Variants in TMEM108 observed in about 807,000 individuals in gnomAD.
The protein encoded by TMEM108 is transmembrane protein 108.
A neutral mutation model predicts 35.1 loss-of-function variants in TMEM108; 12 were observed. The ratio of observed to expected loss-of-function variants is 0.34; its 90% CI spans 0.22 to 0.55. The LOEUF is 0.55. Ranked by LOEUF, TMEM108 falls within the 20% of genes least tolerant of loss-of-function variation. The pLI, the probability that TMEM108 is intolerant of heterozygous loss-of-function variation, is 0.89. For synonymous variants in TMEM108, 287 were observed against 308.6 expected (o/e 0.93, Z 0.73); for missense variants, 680 against 753.3 (o/e 0.90, Z 1.14).
At chr3:133,128,386 T>TA (rs1944444634) in intron 2 of TMEM108, among the ~76,000 whole-genome samples, 1 of 152,200 alleles carries the variant, frequency 6.6e-6, no homozygotes, top group Non-Finnish European at 1.5e-5. Context: ...AGGAAATAAA[T>TA]ATTTGACCTG....
intron 3 of TMEM108, among the ~76,000 whole-genome samples, chr3:133,283,239 G>T (rs1177746132): frequency 1.3e-5 from 2 of 152,136 alleles, no homozygotes; most frequent in Non-Finnish European, 2.9e-5. Context: ...AAAAGGGAGA[G>T]AAAAAATTTC....
At chr3:133,291,770 A>T (rs944111610) in intron 3 of TMEM108, among the ~76,000 whole-genome samples, 2 of 152,210 alleles carry the variant, frequency 1.3e-5, no homozygotes, top group Non-Finnish European at 2.9e-5. Flanking sequence ...TGCAGAAGGC[A>T]GGGTTCCTCA....
At chr3:133,156,063 C>A (rs944400100) in intron 2 of TMEM108, among the ~76,000 whole-genome samples, 1 of 74,680 alleles carries the variant, frequency 1.3e-5, no homozygotes, top group Non-Finnish European at 3.0e-5. Context: ...TTTATTTTTT[C>A]TTTTATTTAT....
intron 2 of TMEM108, among the ~76,000 whole-genome samples, chr3:133,150,000 A>T (rs565395896): frequency 6.6e-6 from 1 of 152,274 alleles, no homozygotes; most frequent in African/African-American, 2.4e-5. Flanking sequence ...TTTTGGATAT[A>T]TACCCAGAAG....
At chr3:133,206,512 T>C (rs558817376) in intron 2 of TMEM108, among the ~76,000 whole-genome samples, 152 of 152,368 alleles carry the variant, frequency 1.0e-3, no homozygotes, top group Middle Eastern at 6.8e-3. Context: ...TTGATGTTGA[T>C]GCTATTCCTT....
chr3:133,366,022 T>G (rs1172319574), intron 3 of TMEM108, among the ~76,000 whole-genome samples: 1 of 152,240 alleles, frequency 6.6e-6, no homozygotes, highest in Non-Finnish European at 1.5e-5. Context: ...GTTGTGCATC[T>G]TGGCTCCACC....
intron 2 of TMEM108, among the ~76,000 whole-genome samples, chr3:133,172,211 A>G (rs1029057276): frequency 5.9e-5 from 9 of 152,238 alleles, no homozygotes; most frequent in Admixed American, 2.0e-4. Context: ...CATGTAGCTT[A>G]CAAATGATAG....
At chr3:133,051,887 C>T (rs978548563) in intron 2 of TMEM108, among the ~76,000 whole-genome samples, 3 of 152,092 alleles carry the variant, frequency 2.0e-5, no homozygotes, top group African/African-American at 7.2e-5. Flanking sequence ...ACCATACTGT[C>T]TTGATTATGG....
chr3:133,226,190 G>A (rs1946068580), intron 2 of TMEM108, among the ~76,000 whole-genome samples: 1 of 152,158 alleles, frequency 6.6e-6, no homozygotes, highest in Non-Finnish European at 1.5e-5. Context: ...ATTGGTGGTG[G>A]AAACCAAGAT....
chr3:133,324,837 A>C (rs2071310389), intron 3 of TMEM108, among the ~76,000 whole-genome samples: 1 of 152,198 alleles, frequency 6.6e-6, no homozygotes. Flanking sequence ...TTAGCTGGGC[A>C]TGGTGGCGGG....
intron 2 of TMEM108, among the ~76,000 whole-genome samples, chr3:133,195,273 C>T (rs936868121): frequency 6.6e-6 from 1 of 152,118 alleles, no homozygotes; most frequent in African/African-American, 2.4e-5. Flanking sequence ...CAAACTGAGG[C>T]CCACAAAATT....
At chr3:133,384,700 C>T (rs74691481) in intron 4 of TMEM108, among the ~76,000 whole-genome samples, 3,954 of 152,292 alleles carry the variant, frequency 0.026, 153 homozygotes, top group African/African-American at 0.09. Flanking sequence ...CCACGCCTGG[C>T]GCTGAATTGG....
At chr3:133,110,393 C>T (rs1485854011) in intron 2 of TMEM108, among the ~76,000 whole-genome samples, 7 of 152,138 alleles carry the variant, frequency 4.6e-5, no homozygotes, top group Admixed American at 4.6e-4. Flanking sequence ...CACTGTGGAC[C>T]ATGTTTACAC....
intron 2 of TMEM108, among the ~76,000 whole-genome samples, chr3:133,141,061 C>T (rs1248706205): frequency 6.6e-6 from 1 of 152,132 alleles, no homozygotes; most frequent in Non-Finnish European, 1.5e-5. Flanking sequence ...TTGCTCATAT[C>T]TTTTGTGAAT....
intron 3 of TMEM108, among the ~76,000 whole-genome samples, chr3:133,357,429 A>G (rs955414271): frequency 1.3e-5 from 2 of 152,212 alleles, no homozygotes; most frequent in African/African-American, 4.8e-5. Context: ...TCTACTGGGT[A>G]TCTACCAAAG....
chr3:133,278,076 A>G (rs1946862731), intron 3 of TMEM108, among the ~76,000 whole-genome samples: 1 of 152,220 alleles, frequency 6.6e-6, no homozygotes, highest in African/African-American at 2.4e-5. Flanking sequence ...CTTTTCTTCC[A>G]CAGCTGCCAC....
chr3:133,177,314 A>G (rs1251356728), intron 2 of TMEM108, among the ~76,000 whole-genome samples: 1 of 152,216 alleles, frequency 6.6e-6, no homozygotes, highest in East Asian at 1.9e-4. Context: ...AACTCATTTT[A>G]TGAGGCCAGC....
At chr3:133,353,216 C>G (rs1182678482) in intron 3 of TMEM108, among the ~76,000 whole-genome samples, 3 of 152,104 alleles carry the variant, frequency 2.0e-5, no homozygotes, top group African/African-American at 7.2e-5. Context: ...TACTGGAAAG[C>G]TAGAGACAAA....
rs1553764021 is a variant in TMEM108, at chr3:133,342,544, G to GTATATATATATATATATATA, written c.41-37196_41-37195insTATATATATATATATATATA. Among the ~76,000 whole-genome samples the GTATATATATATATATATATA allele has an allele frequency of 5.1e-4, 24 of 46,650 alleles. 2 individuals carry two copies. Among genetic ancestry groups the GTATATATATATATATATATA allele is most frequent in the African/African-American group, 1.6e-3 (18 of 10,942 alleles). The allele number at this position is 46,650 out of a possible 152,430, so 30.6% of individuals were successfully genotyped here. ...TAAAAAAGTTAAAAAAGAAAATGTG[G>GTATATATATATATATATATA]TATATATATATACACACACACACAC... On this transcript the variant is annotated intron_variant, in intron 3 of 5. Transcript: ENST00000321871.
Sources: allele counts gnomAD v4.1 joint callset (sites outside exome capture counted in the v4.1 genomes callset), GRCh38; gene constraint gnomAD v4.1.1; transcripts MANE v1.5; gene names NCBI Gene and HGNC (gene_info 2026-07-23, HGNC 2026-07-21).